Variants in SUPT20H observed in about 807,000 individuals in gnomAD.
SUPT20H encodes transcription factor SPT20 homolog.
A neutral mutation model predicts 122.8 loss-of-function variants in SUPT20H; 82 were observed. The observed-to-expected ratio is 0.67, with a 90% confidence interval of 0.56 to 0.80. The LOEUF (loss-of-function observed/expected upper bound fraction) is 0.80. Ranked by LOEUF, SUPT20H falls within the 30% of genes least tolerant of loss-of-function variation. The pLI, the probability that SUPT20H is intolerant of heterozygous loss-of-function variation, is 0.00. For missense variants in SUPT20H, 831 were observed against 921.6 expected, an observed-to-expected ratio of 0.90 and a Z score of 1.27; for synonymous variants, 291 against 313.0, an observed-to-expected ratio of 0.93 and a Z score of 0.74.
intron 2 of SUPT20H, among the ~76,000 whole-genome samples, chr13:37,050,734 T>C (rs1212379275): frequency 6.6e-6 from 1 of 152,172 alleles, no homozygotes; most frequent in South Asian, 2.1e-4. Context: ...GATTAGGTAA[T>C]ATAGATGCAA....
chr13:37,031,185 T>G (rs549145706), intron 12 of SUPT20H, among the ~76,000 whole-genome samples: 13 of 152,184 alleles, frequency 8.5e-5, no homozygotes, highest in African/African-American at 2.9e-4. Context: ...ATCTTCAAAT[T>G]TAACCAGTTT....
In SUPT20H at chr13:37,045,269, C is replaced by T. The variant is rs140415793; in HGVS notation, c.270G>A (p.Met90Ile). The change falls in exon 6 of 26, where the codon ATG becomes ATA. Residue 90 changes from methionine (M) to isoleucine (I), a missense_variant. Coordinates refer to ENST00000350612, the MANE Select transcript of SUPT20H (RefSeq NM_001014286.3). ...LYPGNEGYSLMLRGKNGSDSE... is the reference protein window; with the variant it reads ...LYPGNEGYSLILRGKNGSDSE... Reference sequence around the variant, plus strand: ...TACCTGATCCGTTTTTTCCCCTGAGCATCAGAGAATATCCCTCATTTCCTG... The same window carrying T: ...TACCTGATCCGTTTTTTCCCCTGAGTATCAGAGAATATCCCTCATTTCCTG... 11 of 1,613,542 alleles carry T rather than the reference C, an allele frequency of 6.8e-6. No homozygotes were observed. In the Admixed American group the frequency reaches 1.0e-4, roughly 15 times the overall value.
intron 2 of SUPT20H, among the ~76,000 whole-genome samples, chr13:37,049,480 C>T (rs537053576): frequency 6.6e-6 from 1 of 152,258 alleles, no homozygotes; most frequent in Non-Finnish European, 1.5e-5. Flanking sequence ...TGGCTCATGC[C>T]TGTAATCCCA....
rs1258770834 is a variant in SUPT20H, at chr13:37,031,785, C to A, written c.818G>T (p.Arg273Ile). 2 of 1,609,266 alleles carry A rather than the reference C, an allele frequency of 1.2e-6. No homozygotes were observed. Among genetic ancestry groups the A allele is most frequent in the Non-Finnish European group, 1.7e-6 (2 of 1,178,502 alleles). The change falls in exon 11 of 26, where the codon AGA (arginine) becomes ATA (isoleucine). Residue 273 changes from arginine to isoleucine, a missense_variant. Coordinates refer to ENST00000350612, the MANE Select transcript of SUPT20H (RefSeq NM_001014286.3). ...LLDFLQKRKERKAGQHYDLKI... is the reference protein window; with the variant it reads ...LLDFLQKRKEIKAGQHYDLKI... ...GAGGTCATAATGCTGACCTGCTTTT[C>A]TTTCCTTTCTTTTTTGTAAGAAATC...
At chr13:37,017,102 C>CA in intron 23 of SUPT20H, 143 bp downstream of exon 23, 1 of 1,130,138 alleles carries the variant, frequency 8.8e-7, no homozygotes. Flanking sequence ...GGAATACACA[C>CA]CCAATAGCTG....
chr13:37,048,692 G>A, intron 2 of SUPT20H, 93 bp from the exon 3 acceptor site: 1 of 1,135,330 alleles, frequency 8.8e-7, no homozygotes, highest in Non-Finnish European at 1.2e-6. Flanking sequence ...TCTAAAACAG[G>A]TCTAATATAT....
chr13:37,013,207 A>G (rs1230950588), intron 23 of SUPT20H: 1 of 152,158 alleles, frequency 6.6e-6, no homozygotes, highest in Non-Finnish European at 1.5e-5. Context: ...ATTTTAAGAC[A>G]CTACAATGAA....
intron 1 of SUPT20H, 176 bp from the exon 2 acceptor site, chr13:37,051,759 C>CA: frequency 2.9e-6 from 1 of 339,546 alleles, no homozygotes; most frequent in Non-Finnish European, 5.3e-6. Context: ...ACAACCTATC[C>CA]ACTCACTGCT....
intron 23 of SUPT20H, 73 bp from the exon 24 acceptor site, chr13:37,012,370 T>A (rs1465419046): frequency 1.6e-6 from 2 of 1,229,516 alleles, no homozygotes; most frequent in Non-Finnish European, 2.4e-6. Context: ...GAAATCAGTA[T>A]TTTTTCCTAT....
intron 2 of SUPT20H, among the ~76,000 whole-genome samples, chr13:37,050,700 C>T (rs1056301350): frequency 2.6e-5 from 4 of 152,106 alleles, no homozygotes; most frequent in African/African-American, 9.7e-5. Flanking sequence ...TTCATTATCT[C>T]CTTCAAAAAC....
intron 23 of SUPT20H, 101 bp from the exon 24 acceptor site, chr13:37,012,398 T>TA: frequency 1.3e-6 from 1 of 773,624 alleles, no homozygotes; most frequent in Non-Finnish European, 2.1e-6. Context: ...AAAGCAGTAT[T>TA]AGACTAGTCT....
intron 21 of SUPT20H, among the ~76,000 whole-genome samples, chr13:37,020,726 AT>A (rs1016254120): frequency 1.3e-5 from 2 of 152,166 alleles, no homozygotes; most frequent in African/African-American, 4.8e-5. Context: ...TTTTTAATAA[AT>A]TTTTCTAGAT....
chr13:37,054,773 T>C (rs1250875953), intron 1 of SUPT20H, among the ~76,000 whole-genome samples: 2 of 152,104 alleles, frequency 1.3e-5, no homozygotes, highest in African/African-American at 4.8e-5. Context: ...CCAGGGCAAT[T>C]AGGCAGGAGA....
chr13:37,025,190 C>A, intron 17 of SUPT20H, 130 bp downstream of exon 17: 1 of 775,906 alleles, frequency 1.3e-6, no homozygotes, highest in South Asian at 1.4e-5. Context: ...GATCCACCCA[C>A]CTTGGCCTCC....
At chr13:37,010,825 T>C in intron 24 of SUPT20H, 170 bp from the exon 25 acceptor site, 1 of 532,604 alleles carries the variant, frequency 1.9e-6, no homozygotes, top group Non-Finnish European at 3.4e-6. Context: ...CTCCTGTTAG[T>C]TGGGGGTACC....
At chr13:37,032,862 G>T (rs1050448971) in intron 10 of SUPT20H, among the ~76,000 whole-genome samples, 7 of 152,150 alleles carry the variant, frequency 4.6e-5, no homozygotes, top group Admixed American at 2.0e-4. Flanking sequence ...AAAAACAAAA[G>T]GTAGGTGTGC....
intron 1 of SUPT20H, among the ~76,000 whole-genome samples, chr13:37,053,398 T>C (rs2068174034): frequency 1.3e-5 from 2 of 152,102 alleles, no homozygotes; most frequent in East Asian, 1.9e-4. Flanking sequence ...CTGGAAACCA[T>C]CATCCTCAGC....
intron 1 of SUPT20H, among the ~76,000 whole-genome samples, chr13:37,058,738 T>C (rs9603136): frequency 0.022 from 3,281 of 152,200 alleles, 108 homozygotes; most frequent in African/African-American, 0.074. Context: ...CAATCTTAGG[T>C]CCCTTCCAAT....
At chr13:37,056,207 C>A (rs1158482389) in intron 1 of SUPT20H, among the ~76,000 whole-genome samples, 11 of 152,164 alleles carry the variant, frequency 7.2e-5, no homozygotes, top group Admixed American at 7.2e-4. Flanking sequence ...GTCAGTGTGG[C>A]GATTCCTCAA....
Sources: allele counts gnomAD v4.1 joint callset (sites outside exome capture counted in the v4.1 genomes callset), GRCh38; gene constraint gnomAD v4.1.1; transcripts MANE v1.5; gene names NCBI Gene and HGNC (gene_info 2026-07-23, HGNC 2026-07-21).